The following DUOXA2 variants were observed in gnomAD, a reference collection of about 807,000 sequenced individuals.
DUOXA2 encodes dual oxidase maturation factor 2.
A neutral mutation model predicts 27.6 loss-of-function variants in DUOXA2; 22 were observed. The observed-to-expected ratio is 0.80, with a 90% CI of 0.57 to 1.14. DUOXA2 has a LOEUF of 1.14. Among genes scored for constraint, DUOXA2 ranks in the 50% most tolerant of loss-of-function variants. The probability of loss-of-function intolerance (pLI) is 0.00; values close to 1 mark genes in which losing one functional copy is unlikely to be tolerated. For synonymous variants in DUOXA2, 188 were observed against 184.4 expected (o/e 1.02, Z -0.16); for missense variants, 481 against 419.9 (o/e 1.15, Z -1.27).
intron 5 of DUOXA2, 95 bp downstream of exon 5, chr15:45,117,400 A>C (rs1894708630): frequency 6.6e-7 from 1 of 1,507,990 alleles, no homozygotes; most frequent in South Asian, 1.3e-5. Flanking sequence ...ATTCACATCT[A>C]TTACCCTATT....
rs577643743 is a variant in DUOXA2 at position 45,118,418 on chromosome 15, T to C, written c.*509T>C. 40 of 1,032,486 alleles carry C rather than the reference T, an allele frequency of 3.9e-5. No individual in the cohort carries two copies. The South Asian group carries it at 1.5e-3, about 39-fold the overall frequency. 64.0% of individuals were successfully genotyped at this position (1,032,486 alleles called of 1,614,324 possible). A position where few individuals can be genotyped will look rare whatever the true frequency, so the allele number is the denominator to read the frequency against. On this transcript the variant is annotated 3_prime_UTR_variant, in exon 6 of 6. Transcript: ENST00000323030. ...GAAGGAATAGCGTTTTGGAGTTGAT[T>C]CCCTAACTTCCCACCTGGCTTCTTG... is the stretch of plus-strand genomic sequence containing the variant.
chr15:45,117,031 T>TGGGAACCCCGGTGGGCTGG, intron 4 of DUOXA2, 60 bp from the exon 5 acceptor site: 1 of 1,560,208 alleles, frequency 6.4e-7, no homozygotes, highest in South Asian at 1.1e-5. Context: ...AGCGCAGCTG[T>TGGGAACCCCGGTGGGCTGG]GGGAACCCCG....
At position 45,118,357 on chromosome 15, in the gene DUOXA2, T is replaced by G; in HGVS notation, c.*448T>G. On this transcript the variant is annotated 3_prime_UTR_variant, in exon 6 of 6. Transcript: ENST00000323030. ...AGGCAGGTCACCCACTCCCCCGTCC[T>G]GGATGCCACTCAGCTAGCCCAGCTG... is the stretch of plus-strand genomic sequence containing the variant. The G allele has an allele frequency of 8.7e-7, 1 of 1,147,522 alleles. No homozygotes were observed. 71.1% of individuals were successfully genotyped at this position (1,147,522 alleles called of 1,614,324 possible).
chr15:45,115,266 C>T, intron 1 of DUOXA2: 1 of 363,288 alleles, frequency 2.8e-6, no homozygotes, highest in Non-Finnish European at 5.5e-6. Context: ...TAGACTTTCC[C>T]CCTCTCCCAG....
chr15:45,116,550 C>T lies in DUOXA2; in HGVS notation c.375C>T (p.Asp125=). The change falls in exon 4 of 6, where the codon GAC becomes GAT. Residue 125 remains aspartate (D), a synonymous_variant. Transcript: ENST00000323030. Reference sequence around the variant, plus strand: ...TGCATCAGCTGAACGAGACCATTGACTACAACGAGCAGTTCACCTGGCGTC... The same window carrying T: ...TGCATCAGCTGAACGAGACCATTGATTACAACGAGCAGTTCACCTGGCGTC... ...TPVHQLNETI[D]YNEQFTWRLK... 6.2e-7 allele frequency: 1 copy of T among 1,614,026 alleles called. No homozygotes were observed. The highest frequency in any genetic ancestry group is 1.3e-5 in the African/African-American group (1 of 75,062).
In DUOXA2 at chr15:45,118,374, G is replaced by A. The variant is rs934305169; in HGVS notation, c.*465G>A. On this transcript the variant is annotated 3_prime_UTR_variant, in exon 6 of 6. Transcript: ENST00000323030. ...CCCCGTCCTGGATGCCACTCAGCTAGCCCAGCTGAGTGGGGTGGGAAGGAA... is the reference window on the plus strand; with the variant it reads ...CCCCGTCCTGGATGCCACTCAGCTAACCCAGCTGAGTGGGGTGGGAAGGAA... The A allele has an allele frequency of 9.0e-7, 1 of 1,112,392 alleles. No homozygotes were observed. Among genetic ancestry groups the A allele is most frequent in the Non-Finnish European group, 1.1e-6 (1 of 910,630 alleles). The allele number at this position is 1,112,392 out of a possible 1,614,324, so 68.9% of individuals were successfully genotyped here.
In DUOXA2 at chr15:45,116,542, A is replaced by AC. The variant is rs1411270531; in HGVS notation, c.369dup (p.Ile124HisfsTer2). 1.2e-6 allele frequency: 2 copies of AC among 1,613,912 alleles called. No individual in the cohort carries two copies. Among genetic ancestry groups the AC allele is most frequent in the Non-Finnish European group, 1.7e-6 (2 of 1,180,020 alleles). The stretch of plus-strand genomic sequence containing the variant: ...GACCCCAGTGCATCAGCTGAACGAG[A>AC]CCATTGACTACAACGAGCAGTTCAC... On this transcript the variant is annotated frameshift_variant, in exon 4 of 6. Coordinates refer to ENST00000323030, the MANE Select transcript of DUOXA2 (RefSeq NM_207581.4). LOFTEE classifies it high-confidence loss of function.
rs777541541 is a variant in DUOXA2 at position 45,114,736 on chromosome 15, G to A, written c.131G>A (p.Gly44Glu). 1.2e-6 allele frequency: 2 copies of A among 1,614,226 alleles called. No homozygotes were observed. Among genetic ancestry groups the A allele is most frequent in the Non-Finnish European group, 1.7e-6 (2 of 1,180,044 alleles). ...GCAAGCTTCCTGCTCATCTTGCCGGGGATCCGTGGCCACTCGGTAAGGGTG... is the reference window on the plus strand; with the variant it reads ...GCAAGCTTCCTGCTCATCTTGCCGGAGATCCGTGGCCACTCGGTAAGGGTG... ...LAASFLLILPGIRGHSRWFWL... is the reference protein window; with the variant it reads ...LAASFLLILPEIRGHSRWFWL... Residue 44 changes from glycine to glutamate, a missense_variant, in exon 1 of 6, where the codon GGG becomes GAG. Coordinates refer to ENST00000323030, the MANE Select transcript of DUOXA2 (RefSeq NM_207581.4).
chr15:45,118,130 G>C lies in DUOXA2; in HGVS notation c.*221G>C. On this transcript the variant is annotated 3_prime_UTR_variant, in exon 6 of 6. Coordinates refer to ENST00000323030, the MANE Select transcript of DUOXA2 (RefSeq NM_207581.4). ...AACTGTTTTTCCCATTAATTTTCAT[G>C]GCTTCTCCGCGCCGGGGTCGCACGT... 4 of 1,443,678 alleles carry C rather than the reference G, an allele frequency of 2.8e-6. No individual in the cohort carries two copies. Among genetic ancestry groups the C allele is most frequent in the Non-Finnish European group, 3.6e-6 (4 of 1,103,514 alleles). The allele number at this position is 1,443,678 out of a possible 1,614,324, so 89.4% of individuals were successfully genotyped here.
intron 2 of DUOXA2, 24 bp downstream of exon 2, chr15:45,115,880 G>GGGAGAGGAC: frequency 6.2e-7 from 1 of 1,614,028 alleles, no homozygotes; most frequent in Non-Finnish European, 8.5e-7. Flanking sequence ...GCAGCCCATG[G>GGGAGAGGAC]GGAGAGGACG....
In DUOXA2 at chr15:45,115,974, C is replaced by T. The variant is rs1022347325; in HGVS notation, c.205+118C>T. ...TCTGCTCCCTCTTCCCACTCTCCAG[C>T]TCCTTCTAGGGCCCACTTTTTGGCC... is the stretch of plus-strand genomic sequence containing the variant. On this transcript the variant is annotated intron_variant, in intron 2 of 5. Transcript: ENST00000323030. The T allele has an allele frequency of 5.7e-6, 9 of 1,589,184 alleles. No individual in the cohort carries two copies. In the African/African-American group the frequency reaches 1.1e-4, roughly 19 times the overall value.
At chr15:45,115,755 G>A in intron 1 of DUOXA2, 44 bp from the exon 2 acceptor site, 2 of 1,613,810 alleles carry the variant, frequency 1.2e-6, no homozygotes, top group Non-Finnish European at 8.5e-7. Context: ...TGGGGACTCT[G>A]GTTTGGCAGG....
At chr15:45,116,098 C>T (rs1473484666) in intron 2 of DUOXA2, 26 bp from the exon 3 acceptor site, 2 of 1,611,850 alleles carry the variant, frequency 1.2e-6, no homozygotes, top group African/African-American at 1.3e-5. Flanking sequence ...CCTCATCCCA[C>T]CCCCACCGTG....
rs530593538 is a variant in DUOXA2 at position 45,114,405 on chromosome 15, T to C, written c.-201T>C. ...TCGCTCGCCGGCTAGAAAAACTCTGTCGGTACCAACCCCAGAGCGTTGAGA... is the reference window on the plus strand; with the variant it reads ...TCGCTCGCCGGCTAGAAAAACTCTGCCGGTACCAACCCCAGAGCGTTGAGA... On this transcript the variant is annotated 5_prime_UTR_variant, in exon 1 of 6. Coordinates refer to ENST00000323030, the MANE Select transcript of DUOXA2 (RefSeq NM_207581.4). 1.5e-6 allele frequency: 1 copy of C among 647,314 alleles called. No homozygotes were observed. Among genetic ancestry groups the C allele is most frequent in the Admixed American group, 2.8e-5 (1 of 35,744 alleles). 40.1% of individuals were successfully genotyped at this position (647,314 alleles called of 1,614,324 possible).
At position 45,116,318 on chromosome 15, in the gene DUOXA2, T is replaced by C; in HGVS notation, c.340+60T>C. On this transcript the variant is annotated intron_variant, in intron 3 of 5. Coordinates refer to ENST00000323030, the MANE Select transcript of DUOXA2 (RefSeq NM_207581.4). ...TGGGAGATCCCCGGTTAGGTGAGTG[T>C]GTCAGGGATAGCTGGAGGGCCTCTC... 3 of 1,606,258 alleles carry C rather than the reference T, an allele frequency of 1.9e-6. No homozygotes were observed. The East Asian group carries it at 6.7e-5, about 36-fold the overall frequency.
Position 45,116,240 on chromosome 15 carries a change from A to G in DUOXA2, c.322A>G (p.Ile108Val), listed in dbSNP as rs1894624486. The G allele has an allele frequency of 6.2e-7, 1 of 1,613,830 alleles. No individual in the cohort carries two copies. Among genetic ancestry groups the G allele is most frequent in the Non-Finnish European group, 8.5e-7 (1 of 1,179,952 alleles). Reference protein sequence around the residue: ...RVRLLVGLEGINITLTGTPVH... With the variant: ...RVRLLVGLEGVNITLTGTPVH... ...CCGTCTGCTCGTGGGCCTGGAGGGC[A>G]TTAATATTACACTCACAGGTGAGGG... The change falls in exon 3 of 6, where the codon ATT (isoleucine) becomes GTT (valine). Residue 108 changes from isoleucine (I) to valine (V), a missense_variant. Transcript: ENST00000323030.
chr15:45,117,221 A>G lies in DUOXA2; in HGVS notation c.685A>G (p.Ser229Gly). 1 of 1,610,102 alleles carries G rather than the reference A, an allele frequency of 6.2e-7. No homozygotes were observed. The highest frequency in any genetic ancestry group is 8.5e-7 in the Non-Finnish European group (1 of 1,179,770). Residue 229 changes from serine to glycine, a missense_variant, in exon 5 of 6, where the codon AGC becomes GGC. Coordinates refer to ENST00000323030, the MANE Select transcript of DUOXA2 (RefSeq NM_207581.4). The stretch of plus-strand genomic sequence containing the variant: ...GGTCTTCGCCTTGGCCTCCATCTCT[A>G]GCGTGCCGCTCTGCCCGCTCCGCCT... ...FGVFALASIS[S>G]VPLCPLRLGS... is the part of the protein sequence containing the mutation.
At chr15:45,116,438 C>T in intron 3 of DUOXA2, 78 bp from the exon 4 acceptor site, 2 of 1,581,004 alleles carry the variant, frequency 1.3e-6, no homozygotes, top group Admixed American at 1.7e-5. Flanking sequence ...GCGCCACACC[C>T]CCACTTTCCT....
chr15:45,118,322 G>A lies in DUOXA2; in HGVS notation c.*413G>A. 8.2e-7 allele frequency: 1 copy of A among 1,222,438 alleles called. No homozygotes were observed. 75.7% of individuals were successfully genotyped at this position (1,222,438 alleles called of 1,614,324 possible). The stretch of plus-strand genomic sequence containing the variant: ...GAACCACCCCAGGGGGACGTTAGGT[G>A]GCAGTGATGAGGCAGGTCACCCACT... On this transcript the variant is annotated 3_prime_UTR_variant, in exon 6 of 6. Coordinates refer to ENST00000323030, the MANE Select transcript of DUOXA2 (RefSeq NM_207581.4).
Sources: allele counts gnomAD v4.1 joint callset, GRCh38; gene constraint gnomAD v4.1.1; transcripts MANE v1.5; gene names NCBI Gene and HGNC (gene_info 2026-07-23, HGNC 2026-07-21).